TNIK: variants seen among roughly 807,000 people sequenced by gnomAD.
TNIK encodes TRAF2 and NCK interacting kinase.
TNIK carries 49 observed loss-of-function variants against 191.3 expected under a neutral mutation model. The observed-to-expected ratio is 0.26, with a 90% CI of 0.20 to 0.32. The LOEUF is 0.32. TNIK is among the 10% of genes least tolerant of loss of function. The pLI, the probability that TNIK is intolerant of heterozygous loss-of-function variation, is 1.00. For missense variants in TNIK, 1,155 were observed against 1,702.3 expected (o/e 0.68, Z 5.66); for synonymous variants, 594 against 600.9 (o/e 0.99, Z 0.17).
At chr3:171,429,606 C>T (rs1293907368) in intron 1 of TNIK, among the ~76,000 whole-genome samples, 5 of 152,186 alleles carry the variant, frequency 3.3e-5, no homozygotes, top group African/African-American at 4.8e-5. Context: ...AAAAATCCAG[C>T]CCCTATTAGC....
intron 1 of TNIK, among the ~76,000 whole-genome samples, chr3:171,410,375 C>T (rs1407090914): frequency 6.6e-6 from 1 of 152,226 alleles, no homozygotes; most frequent in African/African-American, 2.4e-5. Context: ...TCCATACAGC[C>T]TTTCTGGATG....
intron 1 of TNIK, among the ~76,000 whole-genome samples, chr3:171,428,740 T>TCCTCAA (rs61607652): frequency 0.35 from 52,898 of 151,720 alleles, 11,797 homozygotes; most frequent in Non-Finnish European, 0.48. Context: ...CACTGCCCAT[T>TCCTCAA]ATTACCTCCT....
At chr3:171,373,906 T>C (rs1716875199) in intron 1 of TNIK, among the ~76,000 whole-genome samples, 1 of 152,236 alleles carries the variant, frequency 6.6e-6, no homozygotes, top group African/African-American at 2.4e-5. Context: ...CAATATGTTG[T>C]GCACAGCTCT....
rs1717782096 is a variant in TNIK at position 171,061,104 on chromosome 3, G to A, written c.*2777C>T. Reference sequence around the variant, plus strand: ...AAAAAGAATTAAGGCAATTCAGAAAGTTTGGATGAGCCACAAGGACACCAT... The same window carrying A: ...AAAAAGAATTAAGGCAATTCAGAAAATTTGGATGAGCCACAAGGACACCAT... On this transcript the variant is annotated 3_prime_UTR_variant, in exon 33 of 33. Coordinates refer to ENST00000436636, the MANE Select transcript of TNIK (RefSeq NM_015028.4). Among the ~76,000 whole-genome samples the A allele has an allele frequency of 6.6e-6, 1 of 152,114 alleles. No homozygotes were observed. The highest frequency in any genetic ancestry group is 2.4e-5 in the African/African-American group (1 of 41,440).
Position 171,110,875 on chromosome 3 carries a change from T to C in TNIK, c.2123A>G (p.Asn708Ser). Residue 708 changes from asparagine (N) to serine (S), a missense_variant and splice_region_variant, in exon 19 of 33, where the codon AAC (asparagine) becomes AGC (serine). Around this residue, in one of 3 missense-constraint regions of TNIK, gnomAD observed 735 missense variants for 848.0 expected, o/e 0.87. Coordinates refer to ENST00000436636, the MANE Select transcript of TNIK (RefSeq NM_015028.4). ...RLGSQPIRASNPDLRRTEPIL... is the reference protein window; with the variant it reads ...RLGSQPIRASSPDLRRTEPIL... ...GGGCTCAGTTCTCCGGAGATCAGGG[T>C]TGCTGTGTGAGTGACAGAGCACACT... The C allele has an allele frequency of 6.2e-7, 1 of 1,600,456 alleles. No individual in the cohort carries two copies. Among genetic ancestry groups the C allele is most frequent in the Admixed American group, 1.7e-5 (1 of 58,810 alleles).
intron 1 of TNIK, among the ~76,000 whole-genome samples, chr3:171,391,851 T>C (rs1302149675): frequency 6.6e-6 from 1 of 152,202 alleles, no homozygotes; most frequent in Non-Finnish European, 1.5e-5. Flanking sequence ...ATAACTGTGA[T>C]CAGTGAACAG....
At chr3:171,236,128 C>A (rs73043073) in intron 2 of TNIK, among the ~76,000 whole-genome samples, 1,924 of 145,334 alleles carry the variant, frequency 0.013, 44 homozygotes, top group African/African-American at 0.045. Context: ...CCTGGGACAG[C>A]GTCTTGTAAA....
chr3:171,104,137 A>AAAAT (rs1724218789), intron 21 of TNIK, among the ~76,000 whole-genome samples: 1 of 152,062 alleles, frequency 6.6e-6, no homozygotes, highest in East Asian at 1.9e-4. Flanking sequence ...TGAAAAGGTA[A>AAAAT]AAATAATGAA....
intron 4 of TNIK, among the ~76,000 whole-genome samples, chr3:171,207,358 T>G (rs1362326639): frequency 6.6e-6 from 1 of 152,076 alleles, no homozygotes; most frequent in Non-Finnish European, 1.5e-5. Flanking sequence ...TTTTTCTTTT[T>G]TTTTAAATTT....
intron 2 of TNIK, among the ~76,000 whole-genome samples, chr3:171,321,012 G>C (rs948460380): frequency 6.6e-6 from 1 of 152,220 alleles, no homozygotes; most frequent in Non-Finnish European, 1.5e-5. Context: ...TGGAAGACCA[G>C]TAGCTCAGAG....
intron 9 of TNIK, among the ~76,000 whole-genome samples, chr3:171,172,344 C>G (rs1350234197): frequency 6.6e-6 from 1 of 152,068 alleles, no homozygotes; most frequent in Admixed American, 6.5e-5. Flanking sequence ...TAGAGAATAG[C>G]TGGAAATAAA....
rs543854975 is a variant in TNIK, at chr3:171,134,164, C to CA, written c.1608+4026dup. 1.1e-3 allele frequency among the ~76,000 whole-genome samples: 168 copies of CA among 152,290 alleles called. No individual in the cohort carries two copies. In the Middle Eastern group the frequency reaches 0.017, roughly 15 times the overall value. ...TCCAAAAAGTGAGGAAGAAGACCTTCAAATTCTGCCGATGTTCAACAGAAC... is the reference window on the plus strand; with the variant it reads ...TCCAAAAAGTGAGGAAGAAGACCTTCAAAATTCTGCCGATGTTCAACAGAAC... On this transcript the variant is annotated intron_variant, in intron 15 of 32. Transcript: ENST00000436636.
intron 1 of TNIK, among the ~76,000 whole-genome samples, chr3:171,405,969 A>G (rs983690018): frequency 6.6e-6 from 1 of 152,218 alleles, no homozygotes; most frequent in South Asian, 2.1e-4. Flanking sequence ...ATCAACCTCT[A>G]CAGAGGTAAA....
chr3:171,283,692 C>A (rs1425782538), intron 2 of TNIK, among the ~76,000 whole-genome samples: 1 of 152,112 alleles, frequency 6.6e-6, no homozygotes, highest in African/African-American at 2.4e-5. Flanking sequence ...GAGTTCCCAC[C>A]ATGCCACTAG....
chr3:171,436,108 A>C lies in TNIK; in HGVS notation c.57+23899T>G, dbSNP rs557406081. 3.3e-5 allele frequency among the ~76,000 whole-genome samples: 5 copies of C among 150,030 alleles called. No homozygotes were observed. In the South Asian group the frequency reaches 1.0e-3, roughly 31 times the overall value. On this transcript the variant is annotated intron_variant, in intron 1 of 32. Coordinates refer to ENST00000436636, the MANE Select transcript of TNIK (RefSeq NM_015028.4). ...TGCTTTAAGTTATTTCAGCTCCATGAAACTCCCACTCCTGACCTTCCCTCC... is the reference window on the plus strand; with the variant it reads ...TGCTTTAAGTTATTTCAGCTCCATGCAACTCCCACTCCTGACCTTCCCTCC...
intron 20 of TNIK, 96 bp downstream of exon 20, chr3:171,107,969 T>C (rs150558579): frequency 2.2e-4 from 274 of 1,249,340 alleles, no homozygotes; most frequent in Middle Eastern, 7.8e-4. Flanking sequence ...ATCTCAACAA[T>C]TTTTGTTTGC....
chr3:171,147,481 A>T (rs940959322), intron 12 of TNIK, among the ~76,000 whole-genome samples: 1 of 152,158 alleles, frequency 6.6e-6, no homozygotes, highest in African/African-American at 2.4e-5. Context: ...ATTGCAAACC[A>T]ATGACTATAG....
At chr3:171,113,158 C>T (rs965060256) in intron 18 of TNIK, among the ~76,000 whole-genome samples, 2 of 152,132 alleles carry the variant, frequency 1.3e-5, no homozygotes, top group African/African-American at 4.8e-5. Context: ...ATTTGTTTGC[C>T]ATTTGTAATT....
At chr3:171,245,527 C>A (rs1745492214) in intron 2 of TNIK, among the ~76,000 whole-genome samples, 1 of 150,090 alleles carries the variant, frequency 6.7e-6, no homozygotes, top group Non-Finnish European at 1.5e-5. Flanking sequence ...CCAGAGTTAC[C>A]CAGGAAGGTT....
Sources: gnomAD v4.1 joint callset for allele counts (sites outside exome capture counted in the v4.1 genomes callset) on GRCh38, gnomAD v4.1.1 for gene constraint, gnomAD v4.1.1 regional missense constraint, MANE v1.5 for transcripts, NCBI Gene and HGNC (gene_info 2026-07-23, HGNC 2026-07-21) for gene names.